Variants in DDX10 observed in about 807,000 individuals in gnomAD.
The protein encoded by DDX10 is DEAD-box helicase 10.
In DDX10, 74 loss-of-function variants were observed where a neutral mutation model predicts 104.3. The ratio of observed to expected loss-of-function variants is 0.71; its 90% CI spans 0.59 to 0.86. The LOEUF (loss-of-function observed/expected upper bound fraction) is 0.86. Among genes scored for constraint, DDX10 ranks in the 40% least tolerant of loss-of-function variants. The pLI, the probability that DDX10 is intolerant of heterozygous loss-of-function variation, is 0.00. For synonymous variants in DDX10, 351 were observed against 353.4 expected, an observed-to-expected ratio of 0.99 and a Z score of 0.08; for missense variants, 952 against 1,040.0, an observed-to-expected ratio of 0.92 and a Z score of 1.16.
intron 10 of DDX10, among the ~76,000 whole-genome samples, chr11:108,708,295 A>ATTTTTT (rs200144585): frequency 7.7e-6 from 1 of 129,380 alleles, no homozygotes; most frequent in Non-Finnish European, 1.6e-5. Context: ...AGATCATGTG[A>ATTTTTT]TTTTTTTTTT....
intron 16 of DDX10, among the ~76,000 whole-genome samples, chr11:108,888,902 T>C (rs1344904569): frequency 6.6e-6 from 1 of 152,200 alleles, no homozygotes; most frequent in Non-Finnish European, 1.5e-5. Flanking sequence ...AGAACATAGT[T>C]TGTAGCTAGA....
In DDX10 at chr11:108,838,426, T is replaced by C; in HGVS notation, c.1966-20T>C. 6.3e-7 allele frequency: 1 copy of C among 1,597,488 alleles called. No individual in the cohort carries two copies. Among genetic ancestry groups the C allele is most frequent in the Non-Finnish European group, 8.5e-7 (1 of 1,175,286 alleles). ...AACCATTTTCCTAATCATCTGTGTT[T>C]TTTGTATGTTCTCACACAGAAGAAA... On this transcript the variant is annotated intron_variant, in intron 13 of 17. Transcript: ENST00000322536.
At position 108,773,782 on chromosome 11, in the gene DDX10, CT is replaced by C. The variant is rs1156887740; in HGVS notation, c.1965+50322del. Among the ~76,000 whole-genome samples, 8 of 152,180 alleles carry C rather than the reference CT, an allele frequency of 5.3e-5. No homozygotes were observed. In the East Asian group the frequency reaches 1.2e-3, roughly 22 times the overall value. On this transcript the variant is annotated intron_variant, in intron 13 of 17. Transcript: ENST00000322536. Reference sequence around the variant, plus strand: ...GTTCCCTATAAAAAGGAACATAAAACTTACTAATGTTTTAAAAAAACTCATT... The same window carrying C: ...GTTCCCTATAAAAAGGAACATAAAACTACTAATGTTTTAAAAAAACTCATT...
At chr11:108,904,952 T>G (rs1211306350) in intron 16 of DDX10, among the ~76,000 whole-genome samples, 2 of 152,182 alleles carry the variant, frequency 1.3e-5, no homozygotes, top group Admixed American at 6.5e-5. Context: ...TAAAACATGT[T>G]CAAGGCTTTC....
chr11:108,833,670 T>G (rs1183455570), intron 13 of DDX10, among the ~76,000 whole-genome samples: 1 of 152,230 alleles, frequency 6.6e-6, no homozygotes, highest in Non-Finnish European at 1.5e-5. Context: ...CCTCTACATT[T>G]TGTCATGTAA....
At chr11:108,678,288 G>A in intron 4 of DDX10, 27 bp from the exon 5 acceptor site, 10 of 1,603,036 alleles carry the variant, frequency 6.2e-6, no homozygotes, top group East Asian at 2.2e-5. Flanking sequence ...ATGTGTCTGT[G>A]TAATCAAAAT....
chr11:108,930,065 T>C (rs1348404341), intron 17 of DDX10, among the ~76,000 whole-genome samples: 5 of 152,240 alleles, frequency 3.3e-5, no homozygotes, highest in East Asian at 1.9e-4. Flanking sequence ...GTATATCTTA[T>C]GGGTTTTGAC....
intron 13 of DDX10, among the ~76,000 whole-genome samples, chr11:108,743,140 A>G (rs1157804179): frequency 2.6e-5 from 4 of 152,174 alleles, no homozygotes; most frequent in African/African-American, 9.7e-5. Context: ...ACAATATACT[A>G]GCAAACTGAA....
intron 1 of DDX10, among the ~76,000 whole-genome samples, chr11:108,672,970 C>T (rs1460520168): frequency 1.3e-5 from 2 of 152,222 alleles, no homozygotes; most frequent in Non-Finnish European, 2.9e-5. Flanking sequence ...TCATAGGCCA[C>T]TGATTTATGG....
chr11:108,773,057 C>G (rs896531425), intron 13 of DDX10, among the ~76,000 whole-genome samples: 10 of 152,206 alleles, frequency 6.6e-5, no homozygotes, highest in African/African-American at 2.4e-4. Flanking sequence ...GAAGAACTTT[C>G]TTCTTTGAGA....
At chr11:108,879,962 C>T (rs189718890) in intron 16 of DDX10, among the ~76,000 whole-genome samples, 1 of 152,248 alleles carries the variant, frequency 6.6e-6, no homozygotes, top group East Asian at 1.9e-4. Flanking sequence ...TTGCTAGTAA[C>T]TAAAGGCAAT....
intron 13 of DDX10, among the ~76,000 whole-genome samples, chr11:108,750,781 A>G (rs907693888): frequency 6.7e-6 from 1 of 150,270 alleles, no homozygotes; most frequent in African/African-American, 2.4e-5. Context: ...TTTTTTTGAG[A>G]CAGGGTCTCA....
At chr11:108,674,428 T>G (rs2094221177) in intron 2 of DDX10, among the ~76,000 whole-genome samples, 1 of 152,244 alleles carries the variant, frequency 6.6e-6, no homozygotes, top group African/African-American at 2.4e-5. Flanking sequence ...TTTAGAACTC[T>G]TAAAATCTAC....
chr11:108,793,120 C>T (rs1428089233), intron 13 of DDX10, among the ~76,000 whole-genome samples: 1 of 152,150 alleles, frequency 6.6e-6, no homozygotes, highest in African/African-American at 2.4e-5. Flanking sequence ...AGCAAGGGGT[C>T]TAGAGGGACT....
chr11:108,906,870 T>G (rs1176598502), intron 16 of DDX10, among the ~76,000 whole-genome samples: 2 of 152,208 alleles, frequency 1.3e-5, no homozygotes, highest in Non-Finnish European at 2.9e-5. Context: ...CAAAGCAGCC[T>G]TAGAAGAAAT....
intron 13 of DDX10, among the ~76,000 whole-genome samples, chr11:108,796,051 A>G (rs182016213): frequency 2.6e-5 from 4 of 152,328 alleles, no homozygotes; most frequent in East Asian, 3.9e-4. Context: ...ATACCTTTCA[A>G]TAAATTTGTT....
In DDX10 at chr11:108,796,878, T is replaced by C. The variant is rs370103579; in HGVS notation, c.1966-41568T>C. ...AAAAAGGACAAGTTTGGCCTCTTCT[T>C]GCTCTCTGTTTCGTATGTGTGATGC... On this transcript the variant is annotated intron_variant, in intron 13 of 17. Transcript: ENST00000322536. 6.6e-5 allele frequency among the ~76,000 whole-genome samples: 10 copies of C among 152,290 alleles called. No individual in the cohort carries two copies. The East Asian group carries it at 1.3e-3, about 21-fold the overall frequency.
At chr11:108,755,327 C>T (rs1380738987) in intron 13 of DDX10, among the ~76,000 whole-genome samples, 1 of 152,060 alleles carries the variant, frequency 6.6e-6, no homozygotes, top group Non-Finnish European at 1.5e-5. Flanking sequence ...TTTTCTCTAA[C>T]TTATGAGAGT....
intron 10 of DDX10, among the ~76,000 whole-genome samples, chr11:108,714,338 G>C (rs1200157960): frequency 2.0e-5 from 3 of 151,998 alleles, no homozygotes; most frequent in Admixed American, 6.6e-5. Flanking sequence ...AGTAAGCTGT[G>C]ATCCCTGTAC....
Sources: gnomAD v4.1 joint callset for allele counts (sites outside exome capture counted in the v4.1 genomes callset) on GRCh38, gnomAD v4.1.1 for gene constraint, MANE v1.5 for transcripts, NCBI Gene and HGNC (gene_info 2026-07-23, HGNC 2026-07-21) for gene names.